The following PDHA1 variants were observed in gnomAD, a reference collection of about 807,000 sequenced individuals.
The protein encoded by PDHA1 is pyruvate dehydrogenase E1 subunit alpha 1.
Under a neutral mutation model 33.0 loss-of-function variants are expected in PDHA1, and 1 was observed. That is an observed-to-expected ratio of 0.03 (90% CI 0.01 to 0.14). PDHA1 has a LOEUF of 0.14. Among genes scored for constraint, PDHA1 ranks in the 10% least tolerant of loss-of-function variants. PDHA1 has a pLI of 1.00. For synonymous variants in PDHA1, 123 were observed against 119.2 expected (o/e 1.03, Z -0.21); for missense variants, 168 against 325.1 (o/e 0.52, Z 3.72).
chrX:19,345,265 T>C (rs2063123480), intron 1 of PDHA1, among the ~76,000 whole-genome samples: 1 of 110,789 alleles, frequency 9.0e-6, no homozygotes, highest in South Asian at 3.8e-4. Context: ...CTAGGAATCC[T>C]GTTGCCTAAA....
intron 9 of PDHA1, 136 bp downstream of exon 9, chrX:19,357,855 A>AGTT: frequency 1.9e-6 from 1 of 534,780 alleles, no homozygotes; most frequent in Non-Finnish European, 3.3e-6. Flanking sequence ...TTGGGCATCA[A>AGTT]GTTATCTGAA....
chrX:19,352,950 A>G (rs1488983468), intron 4 of PDHA1, 132 bp from the exon 5 acceptor site: 3 of 573,196 alleles, frequency 5.2e-6, no homozygotes, highest in Non-Finnish European at 6.3e-6. Context: ...GCCTGGAGGG[A>G]CAGGTACTTA....
intron 4 of PDHA1, among the ~76,000 whole-genome samples, chrX:19,352,225 CTTTT>C (rs1237519823): frequency 4.6e-5 from 4 of 86,255 alleles, no homozygotes; most frequent in African/African-American, 1.4e-4. Flanking sequence ...CCTCCTCCTC[CTTTT>C]TTTTTTTTTT....
Position 19,351,321 on chromosome X carries a change from C to G in PDHA1, c.332C>G (p.Thr111Arg). 8.3e-7 allele frequency: 1 copy of G among 1,205,599 alleles called. No homozygotes were observed. The highest frequency in any genetic ancestry group is 1.1e-6 in the Non-Finnish European group (1 of 889,808). Residue 111 changes from threonine (T) to arginine (R), a missense_variant, in exon 4 of 11, where the codon ACA becomes AGA. Physicochemically the swap from Thr to Arg is moderately conservative, Grantham distance 71. This residue lies in a region of PDHA1 where 35 missense variants were observed against 148.5 expected (regional missense o/e 0.24). Transcript: ENST00000422285. ...CVGLEAGINP[T>R]DHLITAYRAH... The stretch of plus-strand genomic sequence containing the variant: ...GGCCTGGAGGCCGGCATCAACCCCA[C>G]AGACCATCTCATCACAGCCTACCGG...
chrX:19,359,357 A>ATCT, intron 10 of PDHA1, 132 bp from the exon 11 acceptor site: 1 of 559,220 alleles, frequency 1.8e-6, no homozygotes, highest in Non-Finnish European at 3.1e-6. Context: ...GTATTCCAAA[A>ATCT]TCTTCTGAAT....
At chrX:19,353,935 T>G (rs1034287371) in intron 5 of PDHA1, among the ~76,000 whole-genome samples, 5 of 111,642 alleles carry the variant, frequency 4.5e-5, no homozygotes, top group African/African-American at 1.6e-4. Context: ...ATGTGTTGTT[T>G]TTTTTTAAAC....
chrX:19,348,801 G>A (rs928212646), intron 1 of PDHA1, among the ~76,000 whole-genome samples: 11 of 111,460 alleles, frequency 9.9e-5, no homozygotes, highest in African/African-American at 2.9e-4. Context: ...AAAATTAGCC[G>A]GGCGTGGTGG....
rs199907392 is a variant in PDHA1 at position 19,353,026 on chromosome X, G to T, written c.419-56G>T. 1.2e-3 allele frequency: 1,167 copies of T among 984,196 alleles called. 1 individual carries two copies. The highest frequency in any genetic ancestry group is 1.5e-3 in the Non-Finnish European group (1,010 of 689,180). The allele number at this position is 984,196 out of a possible 1,213,427, so 81.1% of individuals were successfully genotyped here. On this transcript the variant is annotated intron_variant, in intron 4 of 10. Coordinates refer to ENST00000422285, the MANE Select transcript of PDHA1 (RefSeq NM_000284.4). ...AGAGTACATATTTGGGGTGCGGTTT[G>T]GTTTGCTTTGTAGAGTTGGTTTGTT...
Position 19,355,221 on chromosome X carries a change from C to T in PDHA1, c.604-128C>T, listed in dbSNP as rs1010964003. 153 of 807,470 alleles carry T rather than the reference C, an allele frequency of 1.9e-4. No homozygotes were observed. In the Admixed American group the frequency reaches 2.6e-3, roughly 14 times the overall value. The allele number at this position is 807,470 out of a possible 1,213,427, so 66.5% of individuals were successfully genotyped here. Reference sequence around the variant, plus strand: ...CCGCTTTCCCTCACCACCCAAAGCTCGGTTTTAGAAGAGGAGGCTTTCTGT... The same window carrying T: ...CCGCTTTCCCTCACCACCCAAAGCTTGGTTTTAGAAGAGGAGGCTTTCTGT... On this transcript the variant is annotated intron_variant, in intron 6 of 10. Coordinates refer to ENST00000422285, the MANE Select transcript of PDHA1 (RefSeq NM_000284.4).
intron 1 of PDHA1, chrX:19,346,716 T>C: frequency 1.7e-6 from 1 of 575,482 alleles, no homozygotes; most frequent in Non-Finnish European, 2.4e-6. Flanking sequence ...GATTGTGTTT[T>C]TATTTTTGAA....
At chrX:19,347,402 G>T (rs1476347631) in intron 1 of PDHA1, among the ~76,000 whole-genome samples, 2 of 112,514 alleles carry the variant, frequency 1.8e-5, no homozygotes, top group African/African-American at 6.5e-5. Context: ...CATATCAGTG[G>T]TTCTTATTTT....
rs753648108 is a variant in PDHA1, at chrX:19,359,733, GTCAATGAAAT to G, written c.*93_*102del. 771 of 937,085 alleles carry G rather than the reference GTCAATGAAAT, an allele frequency of 8.2e-4. 8 individuals are homozygous for G. The highest frequency in any genetic ancestry group is 5.5e-3 in the South Asian group (277 of 49,993). 77.2% of individuals were successfully genotyped at this position (937,085 alleles called of 1,213,427 possible). A position where few individuals can be genotyped will look rare whatever the true frequency, so the allele number is the denominator to read the frequency against. On this transcript the variant is annotated 3_prime_UTR_variant, in exon 11 of 11. Coordinates refer to ENST00000422285, the MANE Select transcript of PDHA1 (RefSeq NM_000284.4). Reference sequence around the variant, plus strand: ...CTTGGTTAAGGAGGAAGAAAACCCAGTCAATGAAATTCAATGAAATTCTTGGAAACTTCCA... The same window carrying G: ...CTTGGTTAAGGAGGAAGAAAACCCAGTCAATGAAATTCTTGGAAACTTCCA...
chrX:19,359,298 A>T (rs1393399798), intron 10 of PDHA1, among the ~76,000 whole-genome samples, 191 bp from the exon 11 acceptor site: 1 of 111,801 alleles, frequency 8.9e-6, no homozygotes, highest in Non-Finnish European at 1.9e-5. Flanking sequence ...TTTTCCTAAA[A>T]GTATACTGTG....
intron 1 of PDHA1, chrX:19,346,406 G>T (rs1473207163): frequency 3.1e-6 from 1 of 324,880 alleles, no homozygotes; most frequent in Non-Finnish European, 5.4e-6. Flanking sequence ...GCCTTAGCCT[G>T]CTGGGCTCAA....
At chrX:19,351,524 C>A in intron 4 of PDHA1, 117 bp downstream of exon 4, 1 of 645,081 alleles carries the variant, frequency 1.6e-6, no homozygotes, top group Non-Finnish European at 2.4e-6. Flanking sequence ...TTTTTTAACC[C>A]TCTCTCCTTT....
intron 5 of PDHA1, among the ~76,000 whole-genome samples, chrX:19,353,744 A>G (rs16981096): frequency 0.085 from 9,430 of 110,857 alleles, 975 homozygotes; most frequent in African/African-American, 0.29. Context: ...GTAAGCAGGA[A>G]CCTCTAGCAG....
chrX:19,352,981 T>C lies in PDHA1; in HGVS notation c.419-101T>C, dbSNP rs1384789787. On this transcript the variant is annotated intron_variant, in intron 4 of 10. Transcript: ENST00000422285. ...ACTTAGACGACTGAACTGGCCTCTG[T>C]GTTCTAATGGTTGAGCCTCAGAGTA... The C allele has an allele frequency of 4.6e-6, 3 of 658,739 alleles. No homozygotes were observed. The African/African-American group carries it at 6.4e-5, about 14-fold the overall frequency. The allele number at this position is 658,739 out of a possible 1,213,427, so 54.3% of individuals were successfully genotyped here.
intron 1 of PDHA1, among the ~76,000 whole-genome samples, chrX:19,348,653 G>A (rs1334186472): frequency 1.8e-5 from 2 of 112,601 alleles, no homozygotes; most frequent in African/African-American, 6.4e-5. Flanking sequence ...ACTAAGAATG[G>A]CATGAAAAGG....
intron 5 of PDHA1, among the ~76,000 whole-genome samples, chrX:19,353,709 C>T (rs1404552210): frequency 1.8e-5 from 2 of 111,752 alleles, no homozygotes; most frequent in Admixed American, 9.6e-5. Flanking sequence ...ATAATGTTTC[C>T]TTTTAGGTGT....
Sources: allele counts gnomAD v4.1 joint callset (sites outside exome capture counted in the v4.1 genomes callset), GRCh38; gene constraint gnomAD v4.1.1; regional missense constraint gnomAD v4.1.1; transcripts MANE v1.5; gene names NCBI Gene and HGNC (gene_info 2026-07-23, HGNC 2026-07-21).